Variants in CSNK2A2IP observed in about 807,000 individuals in gnomAD.
CSNK2A2IP encodes the protein casein kinase 2 subunit alpha' interacting protein.
chr3:88,374,965 CAG>C, the CSNK2A2IP span, among the ~76,000 whole-genome samples: 1 of 151,722 alleles, frequency 6.6e-6, no homozygotes, highest in African/African-American at 2.4e-5. Context: ...TCAAAATTAT[CAG>C]TATATAGTCT....
At chr3:88,338,688 A>T in the CSNK2A2IP span, 1 of 152,160 alleles carries the variant, frequency 6.6e-6, no homozygotes, top group Admixed American at 6.6e-5. Flanking sequence ...GAGTGTGCTA[A>T]AGTCCTTCTG....
the CSNK2A2IP span, among the ~76,000 whole-genome samples, chr3:88,376,075 T>C: frequency 6.6e-6 from 1 of 151,820 alleles, no homozygotes; most frequent in Admixed American, 6.6e-5. Flanking sequence ...TCTTACTCTG[T>C]CCTATTGTAT....
the CSNK2A2IP span, among the ~76,000 whole-genome samples, chr3:88,399,383 A>G: frequency 1.3e-5 from 2 of 152,302 alleles, no homozygotes; most frequent in Non-Finnish European, 1.5e-5. Flanking sequence ...AGAAGTGATT[A>G]TCCAGGATCA....
chr3:88,442,315 C>T, the CSNK2A2IP span, among the ~76,000 whole-genome samples: 5 of 152,112 alleles, frequency 3.3e-5, no homozygotes, highest in Admixed American at 1.3e-4. Flanking sequence ...GCTGGGATCA[C>T]GAGCACAAAC....
At chr3:88,465,873 AT>A in the CSNK2A2IP span, 1 of 1,231,684 alleles carries the variant, frequency 8.1e-7, no homozygotes, top group South Asian at 4.1e-5. Context: ...GATCACTTTC[AT>A]TGAAGTCTCA....
At chr3:88,423,222 A>G in the CSNK2A2IP span, among the ~76,000 whole-genome samples, 7 of 152,188 alleles carry the variant, frequency 4.6e-5, no homozygotes, top group African/African-American at 1.7e-4. Context: ...TCATTTTTTA[A>G]ATTCATTGTC....
At chr3:88,441,515 C>A in the CSNK2A2IP span, among the ~76,000 whole-genome samples, 2 of 152,034 alleles carry the variant, frequency 1.3e-5, no homozygotes, top group African/African-American at 2.4e-5. Flanking sequence ...TTATATGTTG[C>A]GTTAAATACT....
chr3:88,464,758 C>T, the CSNK2A2IP span, among the ~76,000 whole-genome samples: 4 of 151,960 alleles, frequency 2.6e-5, no homozygotes, highest in Admixed American at 1.3e-4. Flanking sequence ...GTTTGTTTTA[C>T]AAATGCAATA....
chr3:88,467,495 G>C, the CSNK2A2IP span: 1 of 398,544 alleles, frequency 2.5e-6, no homozygotes. Flanking sequence ...AAGCCTGTGA[G>C]GAACAACAAT....
the CSNK2A2IP span, among the ~76,000 whole-genome samples, chr3:88,339,714 C>T: frequency 0.44 from 66,520 of 151,796 alleles, 15,819 homozygotes; most frequent in South Asian, 0.62. Context: ...TCATTCAAAG[C>T]TAAATTATTT....
the CSNK2A2IP span, among the ~76,000 whole-genome samples, chr3:88,387,458 T>C: frequency 2.2e-4 from 34 of 152,168 alleles, no homozygotes; most frequent in African/African-American, 7.7e-4. Context: ...CATGAGCTAC[T>C]GTGCCCGGCC....
the CSNK2A2IP span, among the ~76,000 whole-genome samples, chr3:88,445,978 C>CAT: frequency 7.3e-6 from 1 of 137,294 alleles, no homozygotes; most frequent in South Asian, 2.4e-4. Flanking sequence ...CCCTCTCTCT[C>CAT]TTTCTTTCTT....
At chr3:88,448,363 GTGTATC>G in the CSNK2A2IP span, among the ~76,000 whole-genome samples, 7 of 152,260 alleles carry the variant, frequency 4.6e-5, no homozygotes, top group East Asian at 1.4e-3. Flanking sequence ...ATGTGTATTT[GTGTATC>G]TGTAACTATG....
the CSNK2A2IP span, among the ~76,000 whole-genome samples, chr3:88,346,663 A>T: frequency 6.6e-6 from 1 of 152,000 alleles, no homozygotes; most frequent in Non-Finnish European, 1.5e-5. Context: ...TCAGAAAAAA[A>T]ATTTCTATAT....
chr3:88,364,582 T>C, the CSNK2A2IP span, among the ~76,000 whole-genome samples: 2 of 152,084 alleles, frequency 1.3e-5, no homozygotes, highest in Admixed American at 6.6e-5. Flanking sequence ...AAGAGTGGGT[T>C]AAAAACTGGT....
At chr3:88,430,985 G>A in the CSNK2A2IP span, among the ~76,000 whole-genome samples, 1 of 152,118 alleles carries the variant, frequency 6.6e-6, no homozygotes, top group African/African-American at 2.4e-5. Context: ...ATACTAAATG[G>A]CAGAAGATAA....
the CSNK2A2IP span, among the ~76,000 whole-genome samples, chr3:88,362,911 G>A: frequency 1.3e-5 from 2 of 152,126 alleles, no homozygotes; most frequent in Non-Finnish European, 2.9e-5. Flanking sequence ...TGGAGTTGGG[G>A]GAGAAGTGAT....
chr3:88,384,748 G>C, the CSNK2A2IP span, among the ~76,000 whole-genome samples: 1 of 152,146 alleles, frequency 6.6e-6, no homozygotes, highest in East Asian at 1.9e-4. Flanking sequence ...CTATTTTTCA[G>C]GTGGAAGATG....
the CSNK2A2IP span, among the ~76,000 whole-genome samples, chr3:88,387,287 G>A: frequency 4.0e-5 from 6 of 150,738 alleles, no homozygotes; most frequent in Admixed American, 6.6e-5. Context: ...TCAGCCCCCC[G>A]AGTAGCTAAG....
Sources: allele counts gnomAD v4.1 joint callset (sites outside exome capture counted in the v4.1 genomes callset), GRCh38; gene constraint gnomAD v4.1.1; transcripts MANE v1.5; gene names NCBI Gene and HGNC (gene_info 2026-07-23, HGNC 2026-07-21).